Variants in TIAM1 observed in about 807,000 individuals in gnomAD.
TIAM1 encodes rho guanine nucleotide exchange factor TIAM1.
A neutral mutation model predicts 163.5 loss-of-function variants in TIAM1; 65 were observed. That is an observed-to-expected ratio of 0.40 (90% confidence interval 0.33 to 0.49). The LOEUF (loss-of-function observed/expected upper bound fraction) is 0.49, where lower values mean the gene tolerates loss of function less well. TIAM1 is among the 20% of genes least tolerant of loss of function. The pLI is 0.77. For synonymous variants in TIAM1, 833 were observed against 810.1 expected (o/e 1.03, Z -0.48); for missense variants, 1,789 against 2,044.7 (o/e 0.87, Z 2.41).
At chr21:31,336,198 T>A (rs974865631) in intron 2 of TIAM1, among the ~76,000 whole-genome samples, 32 of 152,354 alleles carry the variant, frequency 2.1e-4, no homozygotes, top group Middle Eastern at 3.4e-3. Context: ...CTGACTCTGC[T>A]GGGACATATT....
intron 2 of TIAM1, among the ~76,000 whole-genome samples, chr21:31,439,164 C>T (rs966689043): frequency 2.6e-4 from 39 of 152,308 alleles, no homozygotes; most frequent in African/African-American, 4.6e-4. Flanking sequence ...GGCAGCTGAA[C>T]AGGAACAGGG....
chr21:31,202,816 T>C (rs759644518), intron 12 of TIAM1, 92 bp downstream of exon 12: 3 of 1,255,128 alleles, frequency 2.4e-6, no homozygotes, highest in Non-Finnish European at 3.4e-6. Flanking sequence ...TTTGAACTCG[T>C]TCCACTCCAC....
intron 2 of TIAM1, among the ~76,000 whole-genome samples, chr21:31,434,342 A>G (rs907209546): frequency 6.6e-6 from 1 of 152,158 alleles, no homozygotes; most frequent in Non-Finnish European, 1.5e-5. Flanking sequence ...GAGCATTACG[A>G]TCTGCCCCAG....
intron 12 of TIAM1, among the ~76,000 whole-genome samples, chr21:31,196,381 G>A (rs912477883): frequency 1.3e-5 from 2 of 150,298 alleles, no homozygotes; most frequent in African/African-American, 2.5e-5. Context: ...GCGCGATCTC[G>A]GCTCACTGCA....
At chr21:31,484,343 G>A (rs1392401133) in intron 1 of TIAM1, among the ~76,000 whole-genome samples, 3 of 152,168 alleles carry the variant, frequency 2.0e-5, no homozygotes, top group Non-Finnish European at 4.4e-5. Context: ...TGTGTGCTTT[G>A]CTCCCCGGTT....
chr21:31,530,390 T>C (rs553823614), intron 1 of TIAM1, among the ~76,000 whole-genome samples: 1 of 152,336 alleles, frequency 6.6e-6, no homozygotes, highest in South Asian at 2.1e-4. Flanking sequence ...TGAACAGTGA[T>C]GGAATTCCAA....
intron 5 of TIAM1, among the ~76,000 whole-genome samples, chr21:31,251,030 C>T (rs1301145088): frequency 1.3e-5 from 2 of 152,186 alleles, no homozygotes; most frequent in Non-Finnish European, 2.9e-5. Flanking sequence ...AGGTTGAATC[C>T]TATGAAATTA....
In TIAM1 at chr21:31,124,529, G is replaced by C. The variant is rs781226757; in HGVS notation, c.4299C>G (p.Ser1433Arg). Residue 1433 changes from serine (S) to arginine (R), a missense_variant, in exon 27 of 28, where the codon AGC (serine) becomes AGG (arginine). Physicochemically the swap from Ser to Arg is moderately radical, Grantham distance 110 (BLOSUM62 -1). Coordinates refer to ENST00000541036, the MANE Select transcript of TIAM1 (RefSeq NM_001353694.2). ...CALKGARPAM[S>R]RAVSAPSKSL... ...TCCGAATCCCCACAGTACCTGCCCT[G>C]CTCATGGCCGGCCTGGCCCCCTTCA... The C allele has an allele frequency of 1.7e-5, 27 of 1,613,032 alleles. No homozygotes were observed. The highest frequency in any genetic ancestry group is 2.2e-5 in the East Asian group (1 of 44,876).
chr21:31,138,189 C>T (rs1452491833), intron 22 of TIAM1, among the ~76,000 whole-genome samples: 2 of 152,114 alleles, frequency 1.3e-5, no homozygotes, highest in Non-Finnish European at 2.9e-5. Flanking sequence ...GAAATGCCCT[C>T]TTGCATTCTT....
rs769596231 is a variant in TIAM1, at chr21:31,120,801, C to T, written c.4343G>A (p.Arg1448Gln). 9.3e-6 allele frequency: 15 copies of T among 1,613,458 alleles called. No homozygotes were observed. Among genetic ancestry groups the T allele is most frequent in the South Asian group, 5.5e-5 (5 of 91,008 alleles). Reference sequence around the variant, plus strand: ...GGTAAACCTGTTTCGAGCCAGCCGCCGCCTCCTCCTCCCAAGAGACTTGCT... The same window carrying T: ...GGTAAACCTGTTTCGAGCCAGCCGCTGCCTCCTCCTCCCAAGAGACTTGCT... ...APSKSLGRRR[R>Q]RLARNRFTID... Residue 1448 changes from arginine (R) to glutamine (Q), a missense_variant, in exon 28 of 28, where the codon CGG becomes CAG. By Grantham distance (43) the Arg-to-Gln change is conservative (BLOSUM62 1). This residue lies in a region of TIAM1 where 415 missense variants were observed against 439.2 expected (regional missense o/e 0.94). Coordinates refer to ENST00000541036, the MANE Select transcript of TIAM1 (RefSeq NM_001353694.2). This position sits in a 1 kb window ranked among gnomAD's most constrained non-coding sequence, Gnocchi z 4.2.
chr21:31,548,660 G>C (rs961640700), intron 1 of TIAM1, among the ~76,000 whole-genome samples: 1 of 148,336 alleles, frequency 6.7e-6, no homozygotes, highest in Non-Finnish European at 1.5e-5. Context: ...GCTAATTTTT[G>C]TATTTTTTTC....
At chr21:31,210,812 A>AAGAAAGAAAGGT (rs1300979066) in intron 10 of TIAM1, among the ~76,000 whole-genome samples, 2 of 147,718 alleles carry the variant, frequency 1.4e-5, no homozygotes, top group African/African-American at 5.2e-5. Context: ...GAAAGAAAGA[A>AAGAAAGAAAGGT]AGGTCACCAT....
chr21:31,489,930 A>C (rs1405461231), intron 1 of TIAM1, among the ~76,000 whole-genome samples: 1 of 152,242 alleles, frequency 6.6e-6, no homozygotes, highest in Non-Finnish European at 1.5e-5. Context: ...ATTAACTGGC[A>C]GGAGTAAGAG....
chr21:31,192,982 GCTGT>G (rs1345963810), intron 13 of TIAM1, among the ~76,000 whole-genome samples: 2 of 152,268 alleles, frequency 1.3e-5, no homozygotes, highest in South Asian at 2.1e-4. Flanking sequence ...GGCTTTGGTG[GCTGT>G]CTGTTACCTC....
At chr21:31,259,552 A>T (rs927798544) in intron 4 of TIAM1, among the ~76,000 whole-genome samples, 2 of 151,992 alleles carry the variant, frequency 1.3e-5, no homozygotes, top group East Asian at 3.9e-4. Context: ...TCAAGGCCGC[A>T]GTGCACTATG....
intron 1 of TIAM1, among the ~76,000 whole-genome samples, chr21:31,508,378 T>C (rs988223044): frequency 2.7e-5 from 4 of 149,382 alleles, no homozygotes; most frequent in East Asian, 4.4e-4. Flanking sequence ...GGTTTTCATA[T>C]TGAAATTTCT....
Position 31,277,993 on chromosome 21 carries a change from A to T in TIAM1, c.-188-1085T>A, listed in dbSNP as rs567464118. On this transcript the variant is annotated intron_variant, in intron 2 of 27. Transcript: ENST00000541036. ...CAGACTAAGTTATCTTATTATTTTA[A>T]TCTATCTGTGTATATTAAGGTGTTG... 2.0e-5 allele frequency among the ~76,000 whole-genome samples: 3 copies of T among 152,340 alleles called. No homozygotes were observed. In the South Asian group the frequency reaches 6.2e-4, roughly 32 times the overall value.
intron 20 of TIAM1, among the ~76,000 whole-genome samples, chr21:31,143,678 G>A (rs2082968819): frequency 6.6e-6 from 1 of 151,302 alleles, no homozygotes; most frequent in Non-Finnish European, 1.5e-5. Flanking sequence ...TTAGGGGTAT[G>A]AGCTAAGACT....
At position 31,446,856 on chromosome 21, in the gene TIAM1, C is replaced by G. The variant is rs546605108; in HGVS notation, c.-369+17127G>C. On this transcript the variant is annotated intron_variant, in intron 2 of 28. Coordinates refer to the TIAM1 transcript ENST00000286827. ...TGCAAATCTTGCAGTAAAAGCAAAA[C>G]AGTAAAGTTCACATAGAAATACTTT... Among the ~76,000 whole-genome samples, 4 of 152,250 alleles carry G rather than the reference C, an allele frequency of 2.6e-5. No individual in the cohort carries two copies. In the South Asian group the frequency reaches 6.2e-4, roughly 24 times the overall value.
Sources: gnomAD v4.1 joint callset for allele counts (sites outside exome capture counted in the v4.1 genomes callset) on GRCh38, gnomAD v4.1.1 for gene constraint, gnomAD v4.1.1 regional missense constraint, Gnocchi (gnomAD v3.1) non-coding constraint, MANE v1.5 for transcripts, NCBI Gene and HGNC (gene_info 2026-07-23, HGNC 2026-07-21) for gene names.